PPP6C: variants seen among roughly 807,000 people sequenced by gnomAD.
PPP6C encodes protein phosphatase 6 catalytic subunit, also known as serine/threonine-protein phosphatase 6 catalytic subunit.
PPP6C carries 11 observed loss-of-function variants against 39.8 expected under a neutral mutation model. That is an observed-to-expected ratio of 0.28 (90% CI 0.17 to 0.46). PPP6C has a LOEUF of 0.46. Among genes scored for constraint, PPP6C ranks in the 20% least tolerant of loss-of-function variants. The probability of loss-of-function intolerance (pLI) is 1.00; values close to 1 mark genes in which losing one functional copy is unlikely to be tolerated. For synonymous variants in PPP6C, 129 were observed against 130.3 expected, an observed-to-expected ratio of 0.99 and a Z score of 0.07; for missense variants, 211 against 373.9, an observed-to-expected ratio of 0.56 and a Z score of 3.59.
chr9:125,149,926 A>G lies in PPP6C; in HGVS notation c.670-5T>C. 6.2e-7 allele frequency: 1 copy of G among 1,612,334 alleles called. No homozygotes were observed. Among genetic ancestry groups the G allele is most frequent in the Non-Finnish European group, 8.5e-7 (1 of 1,178,938 alleles). ...TAAGTTGTTGATATGAACAAACTGC[A>G]ATTTAGAAAGGCACTGTAAGTACTT... On this transcript the variant is annotated splice_region_variant and splice_polypyrimidine_tract_variant and intron_variant, in intron 6 of 6. Transcript: ENST00000373547.
At chr9:125,176,430 C>T (rs981659276) in intron 1 of PPP6C, among the ~76,000 whole-genome samples, 4 of 152,078 alleles carry the variant, frequency 2.6e-5, no homozygotes, top group Non-Finnish European at 4.4e-5. Context: ...CCGAGGTGAG[C>T]GTATCACTTG....
chr9:125,149,554 G>T lies in PPP6C; in HGVS notation c.*119C>A. 1 of 1,129,326 alleles carries T rather than the reference G, an allele frequency of 8.9e-7. No homozygotes were observed. Among genetic ancestry groups the T allele is most frequent in the Non-Finnish European group, 1.2e-6 (1 of 817,760 alleles). 70.0% of individuals were successfully genotyped at this position (1,129,326 alleles called of 1,614,324 possible). ...ATAATTTAAAATTTAAAAAAAAAAA[G>T]GCAAGAGGCAGCATTTCAGCAGCAA... On this transcript the variant is annotated 3_prime_UTR_variant, in exon 7 of 7. Coordinates refer to ENST00000373547, the MANE Select transcript of PPP6C (RefSeq NM_002721.5).
chr9:125,151,022 T>C (rs1049463844), intron 6 of PPP6C: 9 of 1,373,018 alleles, frequency 6.6e-6, no homozygotes, highest in Admixed American at 5.0e-5. Context: ...ATTATCACCA[T>C]GGACCTACAT....
In PPP6C at chr9:125,146,592, T is replaced by G. The variant is rs1381842776; in HGVS notation, c.*3081A>C. The G allele has an allele frequency of 6.6e-6, 1 of 152,182 alleles. No homozygotes were observed. Among genetic ancestry groups the G allele is most frequent in the Non-Finnish European group, 1.5e-5 (1 of 68,034 alleles). 9.4% of individuals were successfully genotyped at this position (152,182 alleles called of 1,614,324 possible). On this transcript the variant is annotated 3_prime_UTR_variant, in exon 7 of 7. Transcript: ENST00000373547. Reference sequence around the variant, plus strand: ...ACCAAGTGGAGGAATAAGCATTTTTTAATTTCTTATATAAAATGCTAACTT... The same window carrying G: ...ACCAAGTGGAGGAATAAGCATTTTTGAATTTCTTATATAAAATGCTAACTT...
chr9:125,158,999 T>C (rs1828781852), intron 3 of PPP6C, among the ~76,000 whole-genome samples: 1 of 151,592 alleles, frequency 6.6e-6, no homozygotes. Flanking sequence ...TTACCTACAT[T>C]AGTTGATTTG....
chr9:125,167,454 G>A (rs1829046964), intron 2 of PPP6C, among the ~76,000 whole-genome samples: 1 of 150,800 alleles, frequency 6.6e-6, no homozygotes. Flanking sequence ...CAGCACTTTG[G>A]GAGGCCGAGA....
chr9:125,165,122 T>C (rs988272522), intron 2 of PPP6C, among the ~76,000 whole-genome samples: 1 of 152,152 alleles, frequency 6.6e-6, no homozygotes, highest in Non-Finnish European at 1.5e-5. Flanking sequence ...TCAGGATTCA[T>C]TTGTGATCTT....
chr9:125,189,761 T>TAGCAGCGGCGGC lies in PPP6C; in HGVS notation c.-55_-44dup. ...GCGGCAACAGCGGCGGCGGCGGCTG[T>TAGCAGCGGCGGC]AGCAGCGGCGGCGGCAGCGGCGGAG... On this transcript the variant is annotated 5_prime_UTR_variant, in exon 1 of 7. Coordinates refer to ENST00000373547, the MANE Select transcript of PPP6C (RefSeq NM_002721.5). 6.5e-7 allele frequency: 1 copy of TAGCAGCGGCGGC among 1,545,436 alleles called. No homozygotes were observed. Among genetic ancestry groups the TAGCAGCGGCGGC allele is most frequent in the Non-Finnish European group, 8.7e-7 (1 of 1,147,150 alleles).
rs1835857281 is a variant in PPP6C, at chr9:125,148,354, A to G, written c.*1319T>C. ...TTCACAAAATGTACATTCCAACATC[A>G]TTTATGACTACAGTCATAAGAGATA... On this transcript the variant is annotated 3_prime_UTR_variant, in exon 7 of 7. Coordinates refer to ENST00000373547, the MANE Select transcript of PPP6C (RefSeq NM_002721.5). The G allele has an allele frequency of 6.6e-6, 1 of 152,186 alleles. No homozygotes were observed. The highest frequency in any genetic ancestry group is 2.4e-5 in the African/African-American group (1 of 41,446). The allele number at this position is 152,186 out of a possible 1,614,324, so 9.4% of individuals were successfully genotyped here. A position where few individuals can be genotyped will look rare whatever the true frequency, so the allele number is the denominator to read the frequency against.
chr9:125,160,100 A>G (rs1828824986), intron 3 of PPP6C, among the ~76,000 whole-genome samples: 1 of 152,202 alleles, frequency 6.6e-6, no homozygotes, highest in South Asian at 2.1e-4. Context: ...GTTCAACAGT[A>G]ACATTACATT....
chr9:125,155,285 A>AG (rs968419571), intron 4 of PPP6C, among the ~76,000 whole-genome samples: 1 of 152,040 alleles, frequency 6.6e-6, no homozygotes, highest in Non-Finnish European at 1.5e-5. Flanking sequence ...CCATAATTTT[A>AG]GAAAAAAAAA....
rs750814421 is a variant in PPP6C, at chr9:125,153,958, G to C, written c.407C>G (p.Ala136Gly). 5.0e-6 allele frequency: 8 copies of C among 1,610,920 alleles called. No individual in the cohort carries two copies. The highest frequency in any genetic ancestry group is 5.1e-6 in the Non-Finnish European group (6 of 1,177,238). ...YDECQTKYGNANAWRYCTKVF... is the reference protein window; with the variant it reads ...YDECQTKYGNGNAWRYCTKVF... ...TTTGGTACAGTATCTCCAGGCATTAGCATTTCCATATTTGGTTTGGCACTC... is the reference window on the plus strand; with the variant it reads ...TTTGGTACAGTATCTCCAGGCATTACCATTTCCATATTTGGTTTGGCACTC... The change falls in exon 5 of 7, where the codon GCT becomes GGT. Residue 136 changes from alanine to glycine, a missense_variant. Ala to Gly is a moderately conservative substitution (Grantham distance 60). This residue lies in a region of PPP6C where 168 missense variants were observed against 342.6 expected (regional missense o/e 0.49). Transcript: ENST00000373547.
At chr9:125,163,573 G>A (rs765113683) in intron 2 of PPP6C, among the ~76,000 whole-genome samples, 2 of 150,296 alleles carry the variant, frequency 1.3e-5, no homozygotes, top group Non-Finnish European at 3.0e-5. Context: ...TGGGATTACA[G>A]GCGCGTGCCA....
chr9:125,165,165 A>C (rs1303691435), intron 2 of PPP6C, among the ~76,000 whole-genome samples: 4 of 152,114 alleles, frequency 2.6e-5, no homozygotes, highest in Non-Finnish European at 5.9e-5. Flanking sequence ...CTTTTATGTA[A>C]GTTTTACAAA....
intron 1 of PPP6C, among the ~76,000 whole-genome samples, chr9:125,179,846 G>C (rs2131339791): frequency 6.6e-6 from 1 of 151,952 alleles, no homozygotes; most frequent in South Asian, 2.1e-4. Flanking sequence ...AGTAGAGATG[G>C]GGTTTCACCA....
At chr9:125,169,208 C>G (rs1412404155) in intron 2 of PPP6C, among the ~76,000 whole-genome samples, 1 of 152,184 alleles carries the variant, frequency 6.6e-6, no homozygotes, top group Non-Finnish European at 1.5e-5. Flanking sequence ...TATTTCTCTT[C>G]AATCTTTCAG....
At chr9:125,188,540 C>T (rs890386461) in intron 1 of PPP6C, among the ~76,000 whole-genome samples, 1 of 152,108 alleles carries the variant, frequency 6.6e-6, no homozygotes, top group Middle Eastern at 3.2e-3. Context: ...AATACCAGCA[C>T]TTTGGTAGGC....
intron 1 of PPP6C, among the ~76,000 whole-genome samples, chr9:125,188,452 G>T (rs1197706326): frequency 6.6e-6 from 1 of 151,890 alleles, no homozygotes; most frequent in African/African-American, 2.4e-5. Flanking sequence ...AGAAACCTAA[G>T]CTCTGATTTC....
At chr9:125,170,537 C>G (rs1829124810) in intron 2 of PPP6C, among the ~76,000 whole-genome samples, 1 of 152,106 alleles carries the variant, frequency 6.6e-6, no homozygotes, top group Non-Finnish European at 1.5e-5. Flanking sequence ...ACGCCCGGCA[C>G]TGCTTTGAAA....
Sources: allele counts gnomAD v4.1 joint callset (sites outside exome capture counted in the v4.1 genomes callset), GRCh38; gene constraint gnomAD v4.1.1; regional missense constraint gnomAD v4.1.1; transcripts MANE v1.5; gene names NCBI Gene and HGNC (gene_info 2026-07-23, HGNC 2026-07-21).